RBMS3: variants seen among roughly 807,000 people sequenced by gnomAD.
RBMS3 encodes the protein RNA binding motif single stranded interacting protein 3.
RBMS3 carries 27 observed loss-of-function variants against 66.8 expected under a neutral mutation model. That is an observed-to-expected ratio of 0.40 (90% CI 0.30 to 0.56). The LOEUF is 0.56. Among genes scored for constraint, RBMS3 ranks in the 20% least tolerant of loss-of-function variants. The pLI is 0.40. For synonymous variants in RBMS3, 188 were observed against 183.0 expected, an observed-to-expected ratio of 1.03 and a Z score of -0.22; for missense variants, 513 against 549.5, an observed-to-expected ratio of 0.93 and a Z score of 0.66.
intron 4 of RBMS3, among the ~76,000 whole-genome samples, chr3:29,709,906 GA>G (rs2053087955): frequency 6.6e-6 from 1 of 152,122 alleles, no homozygotes; most frequent in Non-Finnish European, 1.5e-5. Context: ...CAGTCATAAA[GA>G]ATATTAAAAG....
chr3:29,550,481 T>C (rs907165142), intron 3 of RBMS3, among the ~76,000 whole-genome samples: 12 of 152,088 alleles, frequency 7.9e-5, no homozygotes, highest in African/African-American at 2.9e-4. Context: ...TTTAGTGTAA[T>C]AATAGTATAA....
At chr3:29,335,611 G>T (rs1023817903) in intron 1 of RBMS3, among the ~76,000 whole-genome samples, 8 of 152,168 alleles carry the variant, frequency 5.3e-5, no homozygotes, top group African/African-American at 1.7e-4. Context: ...GCACTCTACT[G>T]CTACTTAATG....
intron 6 of RBMS3, among the ~76,000 whole-genome samples, chr3:29,786,804 C>A (rs972866031): frequency 5.3e-5 from 8 of 151,992 alleles, no homozygotes; most frequent in African/African-American, 1.9e-4. Context: ...GACCAAGAAC[C>A]CAAAAGCAAA....
rs2031760994 is a variant in RBMS3, at chr3:29,281,409, G to A, written c.-273G>A. The A allele has an allele frequency of 2.0e-6, 1 of 490,582 alleles. No homozygotes were observed. Among genetic ancestry groups the A allele is most frequent in the Non-Finnish European group, 3.6e-6 (1 of 279,646 alleles). 30.4% of individuals were successfully genotyped at this position (490,582 alleles called of 1,614,324 possible). On this transcript the variant is annotated 5_prime_UTR_variant, in exon 1 of 15. Coordinates refer to ENST00000383767, the MANE Select transcript of RBMS3 (RefSeq NM_001003793.3). ...ATCCCAAGTGGACCCCGGCAGCTGG[G>A]GGAAGCCAGGCAAGATCTGGGAAGG...
At chr3:29,903,339 G>C in intron 10 of RBMS3, 1 of 151,958 alleles carries the variant, frequency 6.6e-6, no homozygotes, top group East Asian at 1.9e-4. Context: ...AGACAGCACT[G>C]TTAGACTAAA....
chr3:29,673,314 A>T (rs942903491), intron 4 of RBMS3, among the ~76,000 whole-genome samples: 1 of 152,166 alleles, frequency 6.6e-6, no homozygotes, highest in Non-Finnish European at 1.5e-5. Context: ...TAAAATCAAC[A>T]CCCTAAAATC....
intron 4 of RBMS3, among the ~76,000 whole-genome samples, chr3:29,658,952 A>T (rs979786929): frequency 3.3e-5 from 5 of 152,034 alleles, no homozygotes; most frequent in African/African-American, 1.2e-4. Context: ...CCTCCCGAGT[A>T]GCTGGGACTA....
chr3:29,539,446 A>G (rs1201281631), intron 3 of RBMS3, among the ~76,000 whole-genome samples: 2 of 152,172 alleles, frequency 1.3e-5, no homozygotes, highest in Non-Finnish European at 2.9e-5. Flanking sequence ...GCATTTGGTT[A>G]TTTGGAGGTC....
chr3:29,893,666 C>A (rs1406854693), intron 8 of RBMS3, among the ~76,000 whole-genome samples: 1 of 151,428 alleles, frequency 6.6e-6, no homozygotes, highest in Non-Finnish European at 1.5e-5. Flanking sequence ...CAAATGCAAA[C>A]CTTGATTTTT....
intron 1 of RBMS3, among the ~76,000 whole-genome samples, chr3:29,420,589 T>TG (rs10674925): frequency 6.6e-6 from 1 of 151,972 alleles, no homozygotes; most frequent in Non-Finnish European, 1.5e-5. Flanking sequence ...TGTTTTGTTT[T>TG]TATCAACATA....
intron 4 of RBMS3, among the ~76,000 whole-genome samples, chr3:29,693,752 A>G (rs2052141554): frequency 6.6e-6 from 1 of 152,224 alleles, no homozygotes; most frequent in Admixed American, 6.5e-5. Context: ...GAAGCTGTAC[A>G]TAATGATAAT....
chr3:29,530,812 C>A (rs2045325490), intron 3 of RBMS3, among the ~76,000 whole-genome samples: 1 of 150,296 alleles, frequency 6.7e-6, no homozygotes, highest in African/African-American at 2.5e-5. Context: ...GCAGAGCTTG[C>A]AGTGAGCTGA....
chr3:29,680,591 T>A (rs1436212977), intron 4 of RBMS3, among the ~76,000 whole-genome samples: 2 of 152,226 alleles, frequency 1.3e-5, no homozygotes, highest in Non-Finnish European at 2.9e-5. Flanking sequence ...GAGATAGGCA[T>A]ATATTGTAAA....
intron 6 of RBMS3, among the ~76,000 whole-genome samples, chr3:29,826,321 A>G (rs2058211637): frequency 6.6e-6 from 1 of 152,170 alleles, no homozygotes; most frequent in South Asian, 2.1e-4. Flanking sequence ...TGTATTTTTT[A>G]TCAGAAATAT....
rs1046976377 is a variant in RBMS3 at position 30,008,554 on chromosome 3, G to A, written c.*4692G>A. The A allele has an allele frequency of 6.6e-6, 1 of 152,012 alleles. No individual in the cohort carries two copies. The highest frequency in any genetic ancestry group is 2.4e-5 in the African/African-American group (1 of 41,390). 9.4% of individuals were successfully genotyped at this position (152,012 alleles called of 1,614,324 possible). A position where few individuals can be genotyped will look rare whatever the true frequency, so the allele number is the denominator to read the frequency against. On this transcript the variant is annotated 3_prime_UTR_variant, in exon 15 of 15. Transcript: ENST00000383767. The stretch of plus-strand genomic sequence containing the variant: ...TTTTGTCTTTCATGTTATTGTAGCT[G>A]GCATGCTTCAAAATTTTGAGCTTAC...
intron 6 of RBMS3, among the ~76,000 whole-genome samples, chr3:29,800,827 A>G (rs575542073): frequency 6.6e-6 from 1 of 151,254 alleles, no homozygotes; most frequent in Non-Finnish European, 1.5e-5. Context: ...TTTTTTTTCC[A>G]TATCACAGTA....
intron 4 of RBMS3, among the ~76,000 whole-genome samples, chr3:29,702,269 C>G (rs1027407096): frequency 6.6e-6 from 1 of 152,080 alleles, no homozygotes; most frequent in Non-Finnish European, 1.5e-5. Flanking sequence ...CCAATCAGTG[C>G]TCTGTGTCTA....
intron 1 of RBMS3, among the ~76,000 whole-genome samples, chr3:29,373,906 G>T (rs1020223673): frequency 6.6e-6 from 1 of 152,168 alleles, no homozygotes; most frequent in Non-Finnish European, 1.5e-5. Context: ...ATCAAATGGC[G>T]TATTAGTATC....
chr3:29,887,870 A>G (rs2059909022), intron 8 of RBMS3, among the ~76,000 whole-genome samples: 1 of 151,804 alleles, frequency 6.6e-6, no homozygotes, highest in African/African-American at 2.4e-5. Context: ...TTTCCCAAAT[A>G]CTCACCCTTA....
Sources: allele counts gnomAD v4.1 joint callset (sites outside exome capture counted in the v4.1 genomes callset), GRCh38; gene constraint gnomAD v4.1.1; transcripts MANE v1.5; gene names NCBI Gene and HGNC (gene_info 2026-07-23, HGNC 2026-07-21).